Variants in AHI1 observed in about 807,000 individuals in gnomAD.
AHI1 encodes the protein jouberin.
A neutral mutation model predicts 149.3 loss-of-function variants in AHI1; 123 were observed. The ratio of observed to expected loss-of-function variants is 0.82; its 90% CI spans 0.71 to 0.96. AHI1 has a LOEUF of 0.96. Ranked by LOEUF, AHI1 falls within the 40% of genes least tolerant of loss-of-function variation. The pLI is 0.00. For synonymous variants in AHI1, 475 were observed against 459.8 expected, an observed-to-expected ratio of 1.03 and a Z score of -0.42; for missense variants, 1,439 against 1,422.7, an observed-to-expected ratio of 1.01 and a Z score of -0.18.
chr6:135,286,169 CT>C (rs1344213730), intron 28 of AHI1, among the ~76,000 whole-genome samples: 1 of 152,158 alleles, frequency 6.6e-6, no homozygotes, highest in Non-Finnish European at 1.5e-5. Context: ...AATGGGCTGT[CT>C]CATTTTTGAC....
At chr6:135,369,459 T>C (rs558824778) in intron 23 of AHI1, among the ~76,000 whole-genome samples, 46 of 152,362 alleles carry the variant, frequency 3.0e-4, no homozygotes, top group African/African-American at 1.1e-3. Context: ...AACACAGTTA[T>C]GGAAACAAGC....
chr6:135,324,542 T>TTATA (rs890509105), intron 24 of AHI1, among the ~76,000 whole-genome samples: 2 of 103,496 alleles, frequency 1.9e-5, no homozygotes, highest in African/African-American at 9.3e-5. Flanking sequence ...ACATATATAG[T>TTATA]TATATATACA....
At chr6:135,404,023 TA>T (rs574769718) in intron 22 of AHI1, among the ~76,000 whole-genome samples, 5,219 of 142,152 alleles carry the variant, frequency 0.037, 240 homozygotes, top group African/African-American at 0.11. Context: ...CCCACTGAAT[TA>T]AAAAAAAAAA....
chr6:135,289,637 T>A (rs1050755755), intron 28 of AHI1, among the ~76,000 whole-genome samples: 1 of 152,092 alleles, frequency 6.6e-6, no homozygotes, highest in Non-Finnish European at 1.5e-5. Flanking sequence ...TAAGAATCTG[T>A]TTTATAATGT....
chr6:135,372,477 C>G lies in AHI1; in HGVS notation c.3110-14290G>C, dbSNP rs920754270. ...TAAGCCCGGGAGTCTGAGACTAGCC[C>G]TGGCAACATAGCGAGACCCTGTCTC... On this transcript the variant is annotated intron_variant, in intron 23 of 28. Transcript: ENST00000265602. 4.7e-5 allele frequency among the ~76,000 whole-genome samples: 7 copies of G among 150,376 alleles called. No homozygotes were observed. In the Admixed American group the frequency reaches 4.7e-4, roughly 10 times the overall value.
chr6:135,382,187 T>TA (rs969316212), intron 23 of AHI1, among the ~76,000 whole-genome samples: 71 of 151,436 alleles, frequency 4.7e-4, no homozygotes, highest in African/African-American at 7.5e-4. Flanking sequence ...TTACATTGTT[T>TA]AAAAAAAAAT....
rs766144107 is a variant in AHI1 at position 135,466,392 on chromosome 6, A to C, written c.190-19T>G. The C allele has an allele frequency of 6.2e-7, 1 of 1,600,666 alleles. No homozygotes were observed. The highest frequency in any genetic ancestry group is 1.3e-5 in the African/African-American group (1 of 74,458). On this transcript the variant is annotated intron_variant, in intron 6 of 28. Transcript: ENST00000265602. ...TGTCGGGCTAGGAAAAGAAGACATGATAACAAAGTTTCAGTTACACATAGA... is the reference window on the plus strand; with the variant it reads ...TGTCGGGCTAGGAAAAGAAGACATGCTAACAAAGTTTCAGTTACACATAGA...
At chr6:135,467,936 A>G (rs1791049474) in intron 5 of AHI1, among the ~76,000 whole-genome samples, 1 of 152,238 alleles carries the variant, frequency 6.6e-6, no homozygotes, top group Non-Finnish European at 1.5e-5. Context: ...ATTCGGTGCT[A>G]CAAGATGAAT....
intron 5 of AHI1, among the ~76,000 whole-genome samples, chr6:135,488,496 A>T (rs1794792921): frequency 6.6e-6 from 1 of 152,128 alleles, no homozygotes; most frequent in South Asian, 2.1e-4. Context: ...CTTAAATCCC[A>T]CTTATCCTAT....
intron 3 of AHI1, chr6:135,495,247 C>A (rs974035720): frequency 2.6e-5 from 4 of 152,102 alleles, no homozygotes; most frequent in Non-Finnish European, 5.9e-5. Context: ...GTGATGGTGT[C>A]GTTTCTTCGC....
chr6:135,467,361 A>G (rs1159637321), intron 6 of AHI1, among the ~76,000 whole-genome samples: 2 of 152,250 alleles, frequency 1.3e-5, no homozygotes, highest in African/African-American at 2.4e-5. Flanking sequence ...AAGTATTTAA[A>G]ACAAGTATAG....
In AHI1 at chr6:135,447,166, T is replaced by C. The variant is rs886061111; in HGVS notation, c.1627-6A>G. On this transcript the variant is annotated splice_polypyrimidine_tract_variant and splice_region_variant and intron_variant, in intron 12 of 28. Transcript: ENST00000265602. ...GAGCGGTAAGATGGCTTTATCTAAA[T>C]ATGCATTAAAATATGAAAATTTATA... 7.9e-6 allele frequency: 12 copies of C among 1,521,758 alleles called. No homozygotes were observed. The highest frequency in any genetic ancestry group is 2.4e-5 in the East Asian group (1 of 42,292). The allele number at this position is 1,521,758 out of a possible 1,614,324, so 94.3% of individuals were successfully genotyped here.
At chr6:135,302,118 A>G (rs1308480427) in intron 26 of AHI1, 5 of 981,734 alleles carry the variant, frequency 5.1e-6, no homozygotes, top group Non-Finnish European at 6.0e-6. Flanking sequence ...CAGCCTTCTG[A>G]GTTGCTGGGA....
chr6:135,283,602 A>C lies in AHI1; in HGVS notation c.*2043T>G, dbSNP rs1401132150. 1 of 152,200 alleles carries C rather than the reference A, an allele frequency of 6.6e-6. No individual in the cohort carries two copies. The allele number at this position is 152,200 out of a possible 1,614,324, so 9.4% of individuals were successfully genotyped here. On this transcript the variant is annotated 3_prime_UTR_variant, in exon 29 of 29. Coordinates refer to ENST00000265602, the MANE Select transcript of AHI1 (RefSeq NM_001134831.2). ...CTGGTGTCTGATTTTCTGCTTGATT[A>C]TCAGCTGGATCTATTGCTTGGAGGG...
intron 1 of AHI1, among the ~76,000 whole-genome samples, 153 bp from the exon 2 acceptor site, chr6:135,497,402 G>C (rs1014006100): frequency 2.6e-5 from 4 of 152,292 alleles, no homozygotes; most frequent in South Asian, 2.1e-4. Context: ...GCAAAAGTAC[G>C]GTGAGGACTC....
At chr6:135,370,881 A>G (rs1774954764) in intron 23 of AHI1, among the ~76,000 whole-genome samples, 1 of 151,798 alleles carries the variant, frequency 6.6e-6, no homozygotes, top group African/African-American at 2.4e-5. Flanking sequence ...CTTGTTTTCA[A>G]TTTTACCAAC....
At chr6:135,356,900 T>C (rs905684072) in intron 24 of AHI1, among the ~76,000 whole-genome samples, 3 of 152,194 alleles carry the variant, frequency 2.0e-5, no homozygotes, top group African/African-American at 7.2e-5. Flanking sequence ...TACTGAGGCA[T>C]ATATTAATCA....
intron 11 of AHI1, among the ~76,000 whole-genome samples, chr6:135,450,795 A>C (rs1462828877): frequency 1.3e-5 from 2 of 152,272 alleles, no homozygotes; most frequent in East Asian, 3.9e-4. Flanking sequence ...GCTCAGATAA[A>C]TAAGGCTTTA....
intron 24 of AHI1, among the ~76,000 whole-genome samples, chr6:135,342,547 T>C (rs1011350957): frequency 2.0e-5 from 3 of 151,954 alleles, no homozygotes; most frequent in Middle Eastern, 3.4e-3. Context: ...TTATACATCA[T>C]AACAAGTGGG....
Sources: allele counts gnomAD v4.1 joint callset (sites outside exome capture counted in the v4.1 genomes callset), GRCh38; gene constraint gnomAD v4.1.1; transcripts MANE v1.5; gene names NCBI Gene and HGNC (gene_info 2026-07-23, HGNC 2026-07-21).